Variants in KAZN observed in about 807,000 individuals in gnomAD.
KAZN encodes kazrin.
KAZN carries 40 observed loss-of-function variants against 87.4 expected under a neutral mutation model. The observed-to-expected ratio is 0.46, with a 90% CI of 0.36 to 0.60. The LOEUF (loss-of-function observed/expected upper bound fraction) is 0.60, where lower values mean the gene tolerates loss of function less well. Ranked by LOEUF, KAZN falls within the 20% of genes least tolerant of loss-of-function variation. The pLI, the probability that KAZN is intolerant of heterozygous loss-of-function variation, is 0.00. For missense variants in KAZN, 898 were observed against 1,073.9 expected, an observed-to-expected ratio of 0.84 and a Z score of 2.29; for synonymous variants, 466 against 458.3, an observed-to-expected ratio of 1.02 and a Z score of -0.22.
intron 1 of KAZN, among the ~76,000 whole-genome samples, chr1:14,738,667 G>A (rs144658812): frequency 6.6e-5 from 10 of 152,218 alleles, no homozygotes; most frequent in Non-Finnish European, 1.5e-4. Flanking sequence ...GAGCGTTACT[G>A]AGGCCCCGGG....
intron 1 of KAZN, among the ~76,000 whole-genome samples, chr1:14,813,705 G>A (rs577421792): frequency 6.6e-6 from 1 of 152,318 alleles, no homozygotes; most frequent in African/African-American, 2.4e-5. Flanking sequence ...GAAGTTGTCA[G>A]CATCAAATTC....
At chr1:14,304,475 C>G in intron 2 of KAZN, 1 of 395,692 alleles carries the variant, frequency 2.5e-6, no homozygotes, top group Non-Finnish European at 4.5e-6. Context: ...TGACTATCTT[C>G]ACTAAGCTTC....
intron 1 of KAZN, among the ~76,000 whole-genome samples, chr1:14,073,166 C>T (rs1036711770): frequency 3.9e-5 from 6 of 152,138 alleles, no homozygotes; most frequent in Admixed American, 2.6e-4. Context: ...AGAGAAGAGG[C>T]TATCAATATT....
At chr1:14,071,228 C>T (rs1268636286) in intron 1 of KAZN, among the ~76,000 whole-genome samples, 1 of 152,092 alleles carries the variant, frequency 6.6e-6, no homozygotes, top group East Asian at 1.9e-4. Flanking sequence ...TAAATGGACC[C>T]AAACTGGGAT....
chr1:14,388,031 A>T (rs1217376569), intron 2 of KAZN, among the ~76,000 whole-genome samples: 1 of 152,216 alleles, frequency 6.6e-6, no homozygotes, highest in African/African-American at 2.4e-5. Context: ...CCGTTTTTTA[A>T]GCCCATCGGA....
intron 1 of KAZN, among the ~76,000 whole-genome samples, chr1:14,638,586 A>C (rs1680185430): frequency 6.6e-6 from 1 of 151,920 alleles, no homozygotes; most frequent in Non-Finnish European, 1.5e-5. Flanking sequence ...AAACAAAAAA[A>C]AAAAAACAAA....
intron 1 of KAZN, among the ~76,000 whole-genome samples, chr1:14,679,432 G>A (rs1346931575): frequency 5.3e-5 from 8 of 152,120 alleles, no homozygotes; most frequent in African/African-American, 1.9e-4. Flanking sequence ...ATGGGGTAGG[G>A]GGAATATTGG....
chr1:14,788,009 T>C (rs1355179762), intron 1 of KAZN, among the ~76,000 whole-genome samples: 2 of 152,182 alleles, frequency 1.3e-5, no homozygotes, highest in African/African-American at 4.8e-5. Flanking sequence ...AATGGCTCTG[T>C]ACAGGAATGG....
chr1:14,617,229 C>A (rs1401807323), intron 1 of KAZN, among the ~76,000 whole-genome samples: 1 of 152,204 alleles, frequency 6.6e-6, no homozygotes, highest in Non-Finnish European at 1.5e-5. Flanking sequence ...CCATTCCAGA[C>A]TACCACAATA....
At chr1:15,053,180 T>G (rs1029888799) in intron 4 of KAZN, among the ~76,000 whole-genome samples, 2 of 152,072 alleles carry the variant, frequency 1.3e-5, no homozygotes, top group Non-Finnish European at 2.9e-5. Context: ...GAGTGGGGCA[T>G]CCCCCTAAGA....
exon 2 of KAZN, chr1:14,180,450 A>G (rs1646173322): frequency 1.9e-6 from 3 of 1,550,134 alleles, no homozygotes; most frequent in Non-Finnish European, 1.7e-6. Context: ...CAATCATTGC[A>G]CACCCTCAAT....
intron 2 of KAZN, among the ~76,000 whole-genome samples, chr1:14,537,732 T>G (rs1051369894): frequency 6.6e-5 from 10 of 152,206 alleles, no homozygotes; most frequent in Admixed American, 2.0e-4. Context: ...GGATCTCAGT[T>G]ATCAGTTTCC....
rs1187777199 is a variant in KAZN at position 14,001,306 on chromosome 1, G to A, written c.91+107550G>A. On this transcript the variant is annotated intron_variant, in intron 1 of 16. Coordinates refer to the KAZN transcript ENST00000636203. ...GAATGCAGCTAACAAGGGATATGAA[G>A]GACTTCTTCAAGGAGAACTACAAAC... Among the ~76,000 whole-genome samples the A allele has an allele frequency of 2.0e-5, 3 of 152,024 alleles. No homozygotes were observed. In the East Asian group the frequency reaches 5.8e-4, roughly 29 times the overall value.
At chr1:15,111,265 T>TTGC (rs1641605569) in intron 13 of KAZN, among the ~76,000 whole-genome samples, 2 of 15,586 alleles carry the variant, frequency 1.3e-4, no homozygotes, top group African/African-American at 6.5e-4. Flanking sequence ...GGTTCTGTTG[T>TTGC]TGTTGTTTGT....
At chr1:15,061,149 T>C (rs1028280523) in intron 6 of KAZN, 1 of 152,226 alleles carries the variant, frequency 6.6e-6, no homozygotes, top group African/African-American at 2.4e-5. Flanking sequence ...GGTGAACACA[T>C]TGGACAAAAC....
At chr1:14,032,423 C>A (rs1043242463) in intron 1 of KAZN, among the ~76,000 whole-genome samples, 1 of 152,162 alleles carries the variant, frequency 6.6e-6, no homozygotes, top group Non-Finnish European at 1.5e-5. Flanking sequence ...GATTGGCTGG[C>A]CCCAGAGCCT....
intron 11 of KAZN, among the ~76,000 whole-genome samples, chr1:15,102,961 T>C (rs966045287): frequency 8.5e-5 from 13 of 152,120 alleles, no homozygotes; most frequent in African/African-American, 3.1e-4. Flanking sequence ...AGCAGTTACA[T>C]GTAAAAAGAG....
intron 2 of KAZN, among the ~76,000 whole-genome samples, chr1:14,504,666 C>G (rs1670455365): frequency 6.6e-6 from 1 of 152,138 alleles, no homozygotes; most frequent in Non-Finnish European, 1.5e-5. Context: ...ATCAGCAACG[C>G]CCATCTTCCA....
chr1:14,003,139 T>C (rs1639874061), intron 1 of KAZN, among the ~76,000 whole-genome samples: 1 of 151,484 alleles, frequency 6.6e-6, no homozygotes, highest in African/African-American at 2.4e-5. Context: ...TACTCATAAG[T>C]GGGAGTTGAA....
Sources: gnomAD v4.1 joint callset for allele counts (sites outside exome capture counted in the v4.1 genomes callset) on GRCh38, gnomAD v4.1.1 for gene constraint, MANE v1.5 for transcripts, NCBI Gene and HGNC (gene_info 2026-07-23, HGNC 2026-07-21) for gene names.